Variants in ZNF410 observed in about 807,000 individuals in gnomAD.
ZNF410 encodes the protein another partner for ARF 1.
A neutral mutation model predicts 54.8 loss-of-function variants in ZNF410; 18 were observed. The ratio of observed to expected loss-of-function variants is 0.33; its 90% confidence interval spans 0.23 to 0.49. The LOEUF (loss-of-function observed/expected upper bound fraction) is 0.49. Ranked by LOEUF, ZNF410 falls within the 20% of genes least tolerant of loss-of-function variation. ZNF410 has a pLI of 0.99. For synonymous variants in ZNF410, 191 were observed against 207.3 expected (o/e 0.92, Z 0.68); for missense variants, 405 against 569.6 (o/e 0.71, Z 2.94).
At chr14:73,922,737 C>T (rs2055774458) in intron 10 of ZNF410, 1 of 152,266 alleles carries the variant, frequency 6.6e-6, no homozygotes, top group Non-Finnish European at 1.5e-5. Flanking sequence ...TACTGTGTGC[C>T]TGGCACCATG....
At chr14:73,895,930 G>A (rs964543607) in intron 3 of ZNF410, among the ~76,000 whole-genome samples, 42 of 152,224 alleles carry the variant, frequency 2.8e-4, no homozygotes, top group African/African-American at 9.9e-4. Flanking sequence ...TAAGGAGAGG[G>A]AGCTCTCTCC....
chr14:73,903,384 C>A (rs924629145), intron 5 of ZNF410, among the ~76,000 whole-genome samples: 1 of 152,150 alleles, frequency 6.6e-6, no homozygotes, highest in Non-Finnish European at 1.5e-5. Flanking sequence ...ATATCTCTTA[C>A]ATTTGTCAAA....
Position 73,917,829 on chromosome 14 carries a change from A to G in ZNF410, c.1004-3151A>G, listed in dbSNP as rs1037720699. Among the ~76,000 whole-genome samples, 8 of 152,216 alleles carry G rather than the reference A, an allele frequency of 5.3e-5. No homozygotes were observed. In the South Asian group the frequency reaches 1.5e-3, roughly 28 times the overall value. ...CAGAGTGAGACTCCATCTAAAATAT[A>G]AAAAGAAGAAAAGGGTGCAACTAAG... On this transcript the variant is annotated intron_variant, in intron 8 of 11. Coordinates refer to ENST00000555044, the MANE Select transcript of ZNF410 (RefSeq NM_021188.3).
rs1422250532 is a variant in ZNF410, at chr14:73,896,308, T to C, written c.170-8T>C. Reference sequence around the variant, plus strand: ...CTACATAAAGCTGTGGTATTTTCCCTTTACTAGATGATACTACAAATCATT... The same window carrying C: ...CTACATAAAGCTGTGGTATTTTCCCCTTACTAGATGATACTACAAATCATT... On this transcript the variant is annotated splice_polypyrimidine_tract_variant and splice_region_variant and intron_variant, in intron 3 of 11. Transcript: ENST00000555044. The C allele has an allele frequency of 1.2e-6, 2 of 1,612,214 alleles. No individual in the cohort carries two copies. Among genetic ancestry groups the C allele is most frequent in the Non-Finnish European group, 1.7e-6 (2 of 1,178,488 alleles).
chr14:73,891,948 A>G, intron 1 of ZNF410, 79 bp from the exon 2 acceptor site: 1 of 631,952 alleles, frequency 1.6e-6, no homozygotes, highest in Non-Finnish European at 2.8e-6. Flanking sequence ...TTTTTTGTAT[A>G]TGTAAAGAAG....
intron 1 of ZNF410, among the ~76,000 whole-genome samples, chr14:73,890,291 C>T (rs1466436782): frequency 1.3e-5 from 2 of 151,698 alleles, no homozygotes; most frequent in Non-Finnish European, 2.9e-5. Flanking sequence ...CGGGTTCAAG[C>T]GATTCTCCTG....
chr14:73,896,059 G>T, intron 3 of ZNF410: 1 of 466,560 alleles, frequency 2.1e-6, no homozygotes, highest in South Asian at 3.0e-5. Context: ...ATGTCCAAAT[G>T]TTGAATGGTT....
rs1142787 is a variant in ZNF410, at chr14:73,897,820, A to G, written c.389-251A>G. On this transcript the variant is annotated intron_variant, in intron 4 of 11. Transcript: ENST00000555044. ...AACCCCGTCTCTACTAAAAATACAA[A>G]AATTAGCCGGGCGTGGTGGTGCATG... Among the ~76,000 whole-genome samples, 1,328 of 152,088 alleles carry G rather than the reference A, an allele frequency of 8.7e-3. 22 individuals are homozygous for G. The highest frequency in any genetic ancestry group is 0.031 in the African/African-American group (1,289 of 41,480).
At chr14:73,897,990 A>AAAAG in intron 4 of ZNF410, 81 bp from the exon 5 acceptor site, 1 of 1,187,494 alleles carries the variant, frequency 8.4e-7, no homozygotes, top group Non-Finnish European at 1.2e-6. Context: ...AAAAAAAAAA[A>AAAAG]GGGACATGGA....
rs915822426 is a variant in ZNF410 at position 73,908,374 on chromosome 14, A to AT, written c.914-957dup. On this transcript the variant is annotated intron_variant, in intron 7 of 11. Transcript: ENST00000555044. ...AACATTTGATCTTGTTATTACTAAA[A>AT]TTTTTTTTTTACATTTGTTCTGTTA... Among the ~76,000 whole-genome samples, 5 of 150,424 alleles carry AT rather than the reference A, an allele frequency of 3.3e-5. No homozygotes were observed. In the East Asian group the frequency reaches 7.8e-4, roughly 23 times the overall value.
At chr14:73,893,325 T>C (rs1276542015) in intron 2 of ZNF410, 1 of 152,412 alleles carries the variant, frequency 6.6e-6, no homozygotes, top group African/African-American at 2.4e-5. Flanking sequence ...GTAGTTGATA[T>C]CATTATTATG....
chr14:73,917,738 A>C (rs2055689604), intron 8 of ZNF410, among the ~76,000 whole-genome samples: 1 of 152,116 alleles, frequency 6.6e-6, no homozygotes, highest in African/African-American at 2.4e-5. Flanking sequence ...TGCAAGAATC[A>C]CTTGAACCTG....
intron 8 of ZNF410, among the ~76,000 whole-genome samples, chr14:73,911,423 GA>G (rs2055576439): frequency 6.6e-6 from 1 of 152,194 alleles, no homozygotes; most frequent in Admixed American, 6.5e-5. Flanking sequence ...GGAAGTTGGA[GA>G]GTTATAAACA....
chr14:73,930,149 C>T (rs1566669536), intron 11 of ZNF410, among the ~76,000 whole-genome samples: 2 of 152,198 alleles, frequency 1.3e-5, no homozygotes, highest in African/African-American at 4.8e-5. Flanking sequence ...TAATATTTCT[C>T]ATAAAGTACC....
At chr14:73,897,994 A>T in intron 4 of ZNF410, 77 bp from the exon 5 acceptor site, 1 of 979,166 alleles carries the variant, frequency 1.0e-6, no homozygotes, top group African/African-American at 1.7e-5. Flanking sequence ...AAAAAAAGGG[A>T]CATGGAGAGT....
intron 11 of ZNF410, among the ~76,000 whole-genome samples, chr14:73,925,293 C>G (rs141262483): frequency 1.3e-5 from 2 of 152,090 alleles, no homozygotes; most frequent in African/African-American, 4.8e-5. Flanking sequence ...CTCCATTTTT[C>G]TTGTCTTCAT....
At chr14:73,930,124 A>G (rs1048160424) in intron 11 of ZNF410, among the ~76,000 whole-genome samples, 61 of 152,226 alleles carry the variant, frequency 4.0e-4, no homozygotes, top group Non-Finnish European at 7.3e-4. Context: ...GCACAAATAG[A>G]AATTACAAAT....
Position 73,922,202 on chromosome 14 carries a change from T to A in ZNF410, c.1266T>A (p.Asp422Glu). 13 of 1,613,536 alleles carry A rather than the reference T, an allele frequency of 8.1e-6. No individual in the cohort carries two copies. Among genetic ancestry groups the A allele is most frequent in the South Asian group, 1.1e-5 (1 of 90,962 alleles). Residue 422 changes from aspartate to glutamate, a missense_variant, in exon 10 of 12, where the codon GAT (aspartate) becomes GAA (glutamate). This residue lies in a region of ZNF410 where 127 missense variants were observed against 141.3 expected (regional missense o/e 0.90). Coordinates refer to ENST00000555044, the MANE Select transcript of ZNF410 (RefSeq NM_021188.3). ...ATACCAATTCTATCCTGGGAGTTGATGATGGTAAGACTTCCAACTCTCCTT... is the reference window on the plus strand; with the variant it reads ...ATACCAATTCTATCCTGGGAGTTGAAGATGGTAAGACTTCCAACTCTCCTT... ...LPNTNSILGV[D>E]DEVLAEGSPR...
intron 8 of ZNF410, among the ~76,000 whole-genome samples, chr14:73,912,420 G>A (rs1480068670): frequency 6.6e-6 from 1 of 152,148 alleles, no homozygotes; most frequent in East Asian, 1.9e-4. Flanking sequence ...GCCTGCCTTG[G>A]CCTCCCGAAG....
Sources: gnomAD v4.1 joint callset for allele counts (sites outside exome capture counted in the v4.1 genomes callset) on GRCh38, gnomAD v4.1.1 for gene constraint, gnomAD v4.1.1 regional missense constraint, MANE v1.5 for transcripts, NCBI Gene and HGNC (gene_info 2026-07-23, HGNC 2026-07-21) for gene names.